The following DNAH5 variants were observed in gnomAD, a reference collection of about 807,000 sequenced individuals.
DNAH5 encodes the protein axonemal beta dynein heavy chain 5.
Under a neutral mutation model 518.2 loss-of-function variants are expected in DNAH5, and 372 were observed. That is an observed-to-expected ratio of 0.72 (90% CI 0.66 to 0.78). The LOEUF (loss-of-function observed/expected upper bound fraction) is 0.78, where lower values mean the gene tolerates loss of function less well. Ranked by LOEUF, DNAH5 falls within the 30% of genes least tolerant of loss-of-function variation. DNAH5 has a pLI of 0.00. For synonymous variants in DNAH5, 2,039 were observed against 2,025.9 expected, an observed-to-expected ratio of 1.01 and a Z score of -0.17; for missense variants, 5,523 against 5,687.0, an observed-to-expected ratio of 0.97 and a Z score of 0.93.
intron 1 of DNAH5, among the ~76,000 whole-genome samples, chr5:13,976,689 GTATATATATA>G (rs1216182959): frequency 7.2e-6 from 1 of 137,974 alleles, no homozygotes; most frequent in Admixed American, 7.2e-5. Flanking sequence ...GTGTGTGTGT[GTATATATATA>G]TATATATATA....
At chr5:13,967,491 T>C (rs1279883973) in intron 1 of DNAH5, among the ~76,000 whole-genome samples, 1 of 152,234 alleles carries the variant, frequency 6.6e-6, no homozygotes, top group Admixed American at 6.5e-5. Context: ...GCTGTAAGTA[T>C]TTGGCTTTAT....
At chr5:13,791,843 C>T in intron 50 of DNAH5, 151 bp downstream of exon 50, 2 of 628,604 alleles carry the variant, frequency 3.2e-6, no homozygotes, top group Non-Finnish European at 5.4e-6. Context: ...TAATTTATTT[C>T]ATTATGTTAG....
rs942923126 is a variant in DNAH5, at chr5:13,707,663, C to T, written c.13338+460G>A. On this transcript the variant is annotated intron_variant, in intron 76 of 78. Transcript: ENST00000265104. This position sits in a 1 kb window ranked among gnomAD's most constrained non-coding sequence, Gnocchi z 4.0. Reference sequence around the variant, plus strand: ...GGGGATAAGGGAACTCCTCCGATTTCGACAGCATGTAGCAGAAACTTTATT... The same window carrying T: ...GGGGATAAGGGAACTCCTCCGATTTTGACAGCATGTAGCAGAAACTTTATT... Among the ~76,000 whole-genome samples, 5 of 152,104 alleles carry T rather than the reference C, an allele frequency of 3.3e-5. No individual in the cohort carries two copies. The highest frequency in any genetic ancestry group is 7.4e-5 in the Non-Finnish European group (5 of 68,024).
Position 13,865,750 on chromosome 5 carries a change from T to C in DNAH5, c.4273A>G (p.Thr1425Ala). 6.2e-7 allele frequency: 1 copy of C among 1,610,542 alleles called. No individual in the cohort carries two copies. The highest frequency in any genetic ancestry group is 8.5e-7 in the Non-Finnish European group (1 of 1,176,800). ...IYTLYNSVIETVNSYYDILWS... is the reference protein window; with the variant it reads ...IYTLYNSVIEAVNSYYDILWS... ...AGAATATCATAATAGCTATTTACAG[T>C]TTCTATGACACTGTTGTACAGAGTA... The change falls in exon 27 of 79, where the codon ACT becomes GCT. Residue 1425 changes from threonine (T) to alanine (A), a missense_variant. By Grantham distance (58) the Thr-to-Ala change is moderately conservative (BLOSUM62 0). This residue lies in a region of DNAH5 where 5,121 missense variants were observed against 5,223.3 expected (regional missense o/e 0.98). Transcript: ENST00000265104.
In DNAH5 at chr5:13,829,543, G is replaced by A. The variant is rs776835360; in HGVS notation, c.6411C>T (p.Leu2137=). ...NVVLARKFFT[L]YKLCEEQLSK... is the part of the protein sequence containing the mutation. ...AAAGCTGCTCCTCACACAGTTTGTA[G>A]AGCGTGAAAAACTTCCTGGCCAAAA... The change falls in exon 38 of 79, where the codon CTC becomes CTT. Residue 2137 remains leucine (L), a synonymous_variant. Coordinates refer to ENST00000265104, the MANE Select transcript of DNAH5 (RefSeq NM_001369.3). 23 of 1,614,038 alleles carry A rather than the reference G, an allele frequency of 1.4e-5. No individual in the cohort carries two copies. In the East Asian group the frequency reaches 4.9e-4, roughly 34 times the overall value.
intron 45 of DNAH5, 32 bp downstream of exon 45, chr5:13,810,027 T>C: frequency 8.4e-6 from 13 of 1,547,044 alleles, no homozygotes; most frequent in East Asian, 2.4e-5. Context: ...ACGGCCCCCA[T>C]GGGTTCCGTC....
chr5:13,994,330 C>T (rs1308315093), intron 1 of DNAH5, among the ~76,000 whole-genome samples: 3 of 152,104 alleles, frequency 2.0e-5, no homozygotes, highest in Non-Finnish European at 2.9e-5. Flanking sequence ...GGAATTTTGC[C>T]GCTGAGATCA....
chr5:13,754,446 T>A (rs1750700148), intron 61 of DNAH5, 108 bp from the exon 62 acceptor site: 1 of 1,249,476 alleles, frequency 8.0e-7, no homozygotes, highest in East Asian at 2.4e-5. Flanking sequence ...CTGAGACATG[T>A]GAGCCATTAC....
intron 38 of DNAH5, among the ~76,000 whole-genome samples, chr5:13,826,506 T>C (rs2151828694): frequency 6.6e-6 from 1 of 152,206 alleles, no homozygotes; most frequent in East Asian, 1.9e-4. Flanking sequence ...AGTAAGTGAG[T>C]TCTCATAAGA....
intron 55 of DNAH5, among the ~76,000 whole-genome samples, chr5:13,772,056 CAT>C (rs981714057): frequency 1.1e-4 from 17 of 152,166 alleles, no homozygotes; most frequent in East Asian, 7.7e-4. Flanking sequence ...CACATTTTCT[CAT>C]ATAAGTTAGC....
intron 32 of DNAH5, among the ~76,000 whole-genome samples, chr5:13,844,492 T>C (rs935183211): frequency 6.6e-5 from 10 of 152,238 alleles, no homozygotes; most frequent in Non-Finnish European, 1.3e-4. Flanking sequence ...AATTACATCA[T>C]GAGGGCAATT....
At chr5:13,747,350 C>G (rs539923388) in intron 65 of DNAH5, among the ~76,000 whole-genome samples, 2 of 152,098 alleles carry the variant, frequency 1.3e-5, no homozygotes, top group African/African-American at 4.8e-5. Context: ...AATAAACATA[C>G]GTGTGCATGT....
At chr5:13,875,149 T>C (rs967835296) in intron 22 of DNAH5, among the ~76,000 whole-genome samples, 2 of 152,142 alleles carry the variant, frequency 1.3e-5, no homozygotes, top group Non-Finnish European at 2.9e-5. Context: ...ATTTCCTTCA[T>C]ATAAAGTAAA....
At chr5:13,995,505 A>G (rs1783875775) in intron 1 of DNAH5, among the ~76,000 whole-genome samples, 1 of 152,192 alleles carries the variant, frequency 6.6e-6, no homozygotes, top group Non-Finnish European at 1.5e-5. Flanking sequence ...AAGGGTCCAT[A>G]TTAAGAAAGA....
intron 4 of DNAH5, 76 bp from the exon 5 acceptor site, chr5:13,922,404 A>G: frequency 7.3e-7 from 1 of 1,377,946 alleles, no homozygotes; most frequent in South Asian, 1.2e-5. Flanking sequence ...CATTTCTTAA[A>G]TGTTGTCACT....
intron 1 of DNAH5, among the ~76,000 whole-genome samples, chr5:13,999,882 T>C (rs1052644940): frequency 3.9e-5 from 6 of 152,242 alleles, no homozygotes; most frequent in Admixed American, 2.6e-4. Flanking sequence ...TGTTTTATGA[T>C]AGCCATCTTG....
chr5:13,891,239 T>A, intron 16 of DNAH5, 118 bp from the exon 17 acceptor site: 1 of 1,082,196 alleles, frequency 9.2e-7, no homozygotes, highest in East Asian at 2.5e-5. Flanking sequence ...CTCAGTTACG[T>A]ATGTTCCCCA....
chr5:13,859,411 C>T (rs548693929), intron 30 of DNAH5, 41 bp downstream of exon 30: 5 of 1,612,186 alleles, frequency 3.1e-6, no homozygotes, highest in Middle Eastern at 1.7e-4. Context: ...TGAGAGCTTT[C>T]TCTGAAAAAT....
chr5:14,011,699 C>A (rs1561083640), exon 1 of DNAH5, among the ~76,000 whole-genome samples: 1 of 152,116 alleles, frequency 6.6e-6, no homozygotes, highest in Non-Finnish European at 1.5e-5. Context: ...TCGTAGCGCT[C>A]CCCCGGTGCA....
Sources: gnomAD v4.1 joint callset for allele counts (sites outside exome capture counted in the v4.1 genomes callset) on GRCh38, gnomAD v4.1.1 for gene constraint, gnomAD v4.1.1 regional missense constraint, Gnocchi (gnomAD v3.1) non-coding constraint, MANE v1.5 for transcripts, NCBI Gene and HGNC (gene_info 2026-07-23, HGNC 2026-07-21) for gene names.